Variants in PRKG1 observed in about 807,000 individuals in gnomAD.
PRKG1 encodes the protein cGMP-dependent protein kinase 1.
A neutral mutation model predicts 88.1 loss-of-function variants in PRKG1; 35 were observed. The observed-to-expected ratio is 0.40, with a 90% CI of 0.30 to 0.53. The LOEUF (loss-of-function observed/expected upper bound fraction) is 0.53, where lower values mean the gene tolerates loss of function less well. Among genes scored for constraint, PRKG1 ranks in the 20% least tolerant of loss-of-function variants. The pLI is 0.59. For missense variants in PRKG1, 540 were observed against 839.8 expected (o/e 0.64, Z 4.41); for synonymous variants, 303 against 292.5 (o/e 1.04, Z -0.37).
At chr10:51,897,921 C>G (rs1841890826) in intron 4 of PRKG1, among the ~76,000 whole-genome samples, 2 of 152,078 alleles carry the variant, frequency 1.3e-5, no homozygotes. Context: ...GAAAATCCTG[C>G]AATGGCTCTA....
At chr10:51,829,255 T>C in intron 4 of PRKG1, among the ~76,000 whole-genome samples, 1 of 152,240 alleles carries the variant, frequency 6.6e-6, no homozygotes, top group Admixed American at 6.5e-5. Flanking sequence ...CATGTCTTCT[T>C]ATGCTTTCAT....
At chr10:51,622,018 T>C (rs2132263537) in intron 3 of PRKG1, among the ~76,000 whole-genome samples, 1 of 152,338 alleles carries the variant, frequency 6.6e-6, no homozygotes, top group East Asian at 1.9e-4. Context: ...CTCCTCACCC[T>C]GTATTGGTTG....
At chr10:51,149,593 T>A (rs1203489666) in intron 1 of PRKG1, among the ~76,000 whole-genome samples, 1 of 152,150 alleles carries the variant, frequency 6.6e-6, no homozygotes, top group Non-Finnish European at 1.5e-5. Context: ...TCTGGGGATA[T>A]TATACCACCT....
intron 3 of PRKG1, among the ~76,000 whole-genome samples, chr10:51,612,000 C>T (rs1838923027): frequency 6.6e-6 from 1 of 151,912 alleles, no homozygotes; most frequent in South Asian, 2.1e-4. Context: ...GCCAATTTGT[C>T]TGTTTTTGTG....
intron 5 of PRKG1, among the ~76,000 whole-genome samples, chr10:52,020,908 C>A (rs1472453502): frequency 6.6e-6 from 1 of 152,102 alleles, no homozygotes; most frequent in Admixed American, 6.5e-5. Flanking sequence ...CATTTTAATG[C>A]AACAGGTGTG....
chr10:52,098,458 G>T (rs1847222725), intron 7 of PRKG1, among the ~76,000 whole-genome samples: 1 of 152,152 alleles, frequency 6.6e-6, no homozygotes, highest in Admixed American at 6.5e-5. Flanking sequence ...AAGCACTTTT[G>T]AGATCCAGGT....
At chr10:51,252,602 A>G (rs1839455451) in intron 2 of PRKG1, among the ~76,000 whole-genome samples, 1 of 141,144 alleles carries the variant, frequency 7.1e-6, no homozygotes, top group African/African-American at 3.1e-5. Context: ...TCATTCTCTC[A>G]ACTCTACATA....
intron 2 of PRKG1, among the ~76,000 whole-genome samples, chr10:51,285,587 C>T (rs188797969): frequency 4.3e-4 from 65 of 152,208 alleles, no homozygotes; most frequent in Admixed American, 2.3e-3. Context: ...TTGTAGGAGA[C>T]GACTTGATTC....
intron 3 of PRKG1, among the ~76,000 whole-genome samples, chr10:51,610,712 A>G (rs1480904678): frequency 6.6e-6 from 1 of 152,222 alleles, no homozygotes; most frequent in Non-Finnish European, 1.5e-5. Flanking sequence ...ACACTATGCC[A>G]TAAAAATGAA....
At chr10:51,438,920 G>A (rs1047538078) in intron 2 of PRKG1, among the ~76,000 whole-genome samples, 2 of 151,306 alleles carry the variant, frequency 1.3e-5, no homozygotes, top group African/African-American at 4.9e-5. Flanking sequence ...TTTACTCTGG[G>A]GAAATATCCA....
chr10:51,151,136 A>G (rs1479329315), intron 1 of PRKG1, among the ~76,000 whole-genome samples: 1 of 151,468 alleles, frequency 6.6e-6, no homozygotes, highest in Non-Finnish European at 1.5e-5. Flanking sequence ...CTGACAAAAA[A>G]AAAAAAAAAA....
intron 4 of PRKG1, among the ~76,000 whole-genome samples, chr10:51,862,058 A>C (rs1181252956): frequency 3.3e-5 from 5 of 152,222 alleles, no homozygotes; most frequent in Non-Finnish European, 7.3e-5. Context: ...AGGGTGTTAC[A>C]GCCCTTGTCT....
intron 2 of PRKG1, among the ~76,000 whole-genome samples, chr10:51,392,733 C>A (rs1463453682): frequency 7.0e-6 from 1 of 142,812 alleles, no homozygotes; most frequent in Non-Finnish European, 1.6e-5. Flanking sequence ...CCTCACCTCC[C>A]GGACGGGGCG....
chr10:52,204,109 T>G (rs199582579), intron 9 of PRKG1, among the ~76,000 whole-genome samples: 6 of 77,666 alleles, frequency 7.7e-5, no homozygotes, highest in African/African-American at 2.0e-4. Context: ...TATTATTATT[T>G]TTTGTTTTTG....
intron 3 of PRKG1, among the ~76,000 whole-genome samples, chr10:51,685,736 G>A (rs1028812088): frequency 1.3e-5 from 2 of 152,274 alleles, no homozygotes; most frequent in Admixed American, 6.5e-5. Context: ...TTTCTGAACA[G>A]CTGGAAATGA....
chr10:52,264,383 C>T (rs1300875244), intron 10 of PRKG1, among the ~76,000 whole-genome samples: 1 of 151,412 alleles, frequency 6.6e-6, no homozygotes, highest in South Asian at 2.1e-4. Context: ...CTTTCTCTCT[C>T]CTTCCCCCTC....
chr10:51,092,331 G>A (rs1284802593), intron 1 of PRKG1, among the ~76,000 whole-genome samples: 1 of 152,152 alleles, frequency 6.6e-6, no homozygotes, highest in East Asian at 1.9e-4. Flanking sequence ...AGAAAGTGGA[G>A]GGTTTCAATT....
chr10:52,044,685 T>C (rs957819353), intron 5 of PRKG1, among the ~76,000 whole-genome samples: 2 of 152,218 alleles, frequency 1.3e-5, no homozygotes, highest in Non-Finnish European at 2.9e-5. Flanking sequence ...TCTTACTACA[T>C]GTGCTTTATT....
intron 4 of PRKG1, among the ~76,000 whole-genome samples, chr10:51,847,932 C>T (rs1334960036): frequency 7.6e-6 from 1 of 131,022 alleles, no homozygotes; most frequent in Non-Finnish European, 1.6e-5. Flanking sequence ...TCAAGTTGTA[C>T]ATATACATTA....
Sources: gnomAD v4.1 joint callset for allele counts (sites outside exome capture counted in the v4.1 genomes callset) on GRCh38, gnomAD v4.1.1 for gene constraint, MANE v1.5 for transcripts, NCBI Gene and HGNC (gene_info 2026-07-23, HGNC 2026-07-21) for gene names.